RARB: variants seen among roughly 807,000 people sequenced by gnomAD.
RARB encodes HBV-activated protein.
A neutral mutation model predicts 51.9 loss-of-function variants in RARB; 17 were observed. The observed-to-expected ratio is 0.33, with a 90% CI of 0.22 to 0.49. The LOEUF (loss-of-function observed/expected upper bound fraction) is 0.49, where lower values mean the gene tolerates loss of function less well. Among genes scored for constraint, RARB ranks in the 20% least tolerant of loss-of-function variants. The probability of loss-of-function intolerance (pLI) is 0.99; values close to 1 mark genes in which losing one functional copy is unlikely to be tolerated. For missense variants in RARB, 369 were observed against 550.8 expected, an observed-to-expected ratio of 0.67 and a Z score of 3.30; for synonymous variants, 215 against 195.4, an observed-to-expected ratio of 1.10 and a Z score of -0.84.
intron 5 of RARB, among the ~76,000 whole-genome samples, chr3:25,220,831 C>T (rs1375759690): frequency 6.6e-6 from 1 of 152,152 alleles, no homozygotes; most frequent in Non-Finnish European, 1.5e-5. Flanking sequence ...CAGCCACTTA[C>T]TTCTTATGTG....
At chr3:25,436,011 G>A (rs1266510585) in intron 1 of RARB, among the ~76,000 whole-genome samples, 3 of 152,076 alleles carry the variant, frequency 2.0e-5, no homozygotes, top group Non-Finnish European at 4.4e-5. Flanking sequence ...GTAAATTACC[G>A]GTTCCATTAA....
At chr3:24,886,791 G>A (rs1372775666) in intron 2 of RARB, among the ~76,000 whole-genome samples, 1 of 152,120 alleles carries the variant, frequency 6.6e-6, no homozygotes, top group Non-Finnish European at 1.5e-5. Flanking sequence ...AAAAGCTAAT[G>A]ATATCTGTAA....
intron 1 of RARB, among the ~76,000 whole-genome samples, chr3:25,447,151 T>C (rs1371256892): frequency 1.3e-5 from 2 of 152,240 alleles, no homozygotes; most frequent in African/African-American, 4.8e-5. Context: ...TGGCAGATTC[T>C]GCTGAACTGG....
In RARB at chr3:25,007,597, A is replaced by AAAAAAAAAAAAAAAAAC. The variant is rs1451007518; in HGVS notation, c.-379-52521_-379-52520insAAAAAAAAACAAAAAAA. Among the ~76,000 whole-genome samples the AAAAAAAAAAAAAAAAAC allele has an allele frequency of 4.1e-5, 6 of 144,864 alleles. No individual in the cohort carries two copies. The South Asian group carries it at 7.0e-4, about 17-fold the overall frequency. On this transcript the variant is annotated intron_variant, in intron 2 of 11. Coordinates refer to the RARB transcript ENST00000383772. ...GCAACAGAGTGAGACTGTCTCAAAA[A>AAAAAAAAAAAAAAAAAC]AAAAAAACAAAAAAACCTCATATTT...
In RARB at chr3:24,930,923, G is replaced by A. The variant is rs147770477; in HGVS notation, c.-380+72171G>A. 7.1e-3 allele frequency among the ~76,000 whole-genome samples: 1,078 copies of A among 152,182 alleles called. 5 individuals carry two copies. The highest frequency in any genetic ancestry group is 0.024 in the Middle Eastern group (7 of 294). ...AGTTACCTGCGAAGCTGAAGTGGGA[G>A]GCTTTCCTCAGCCCAAGAGTTTGAG... On this transcript the variant is annotated intron_variant, in intron 2 of 11. Transcript: ENST00000383772.
rs1375349404 is a variant in RARB at position 25,580,170 on chromosome 3, C to T, written c.610-376C>T. On this transcript the variant is annotated intron_variant, in intron 4 of 7. Coordinates refer to ENST00000330688, the MANE Select transcript of RARB (RefSeq NM_000965.5). ...CGGGTGAATCATGAGGTCAGGAGAT[C>T]GAGACCATCCTGGCTAACACGGTGA... Among the ~76,000 whole-genome samples, 11 of 152,136 alleles carry T rather than the reference C, an allele frequency of 7.2e-5. 3 individuals carry two copies. The highest frequency in any genetic ancestry group is 1.5e-5 in the Non-Finnish European group (1 of 67,986).
intron 5 of RARB, among the ~76,000 whole-genome samples, chr3:25,403,093 G>A (rs556524775): frequency 2.7e-5 from 4 of 150,644 alleles, no homozygotes; most frequent in Admixed American, 2.7e-4. Flanking sequence ...AACCAGGGAG[G>A]CAGAGGTTGC....
intron 1 of RARB, among the ~76,000 whole-genome samples, chr3:25,437,535 T>C (rs1708485701): frequency 6.6e-6 from 1 of 152,148 alleles, no homozygotes; most frequent in Admixed American, 6.5e-5. Context: ...TGGGAAGAAC[T>C]TGTGACACAA....
At chr3:25,508,068 A>T (rs1166153093) in intron 3 of RARB, among the ~76,000 whole-genome samples, 2 of 152,186 alleles carry the variant, frequency 1.3e-5, no homozygotes, top group Non-Finnish European at 2.9e-5. Context: ...TGGGCAAAAC[A>T]TGTCTTTGAT....
chr3:24,858,378 T>C (rs1702673005), intron 1 of RARB, among the ~76,000 whole-genome samples: 1 of 152,134 alleles, frequency 6.6e-6, no homozygotes, highest in Admixed American at 6.5e-5. Context: ...TCTTTTGCAT[T>C]TAAAGCACGT....
At chr3:25,353,390 A>C (rs1705635909) in intron 5 of RARB, among the ~76,000 whole-genome samples, 1 of 152,166 alleles carries the variant, frequency 6.6e-6, no homozygotes, top group African/African-American at 2.4e-5. Context: ...GAATGAGTGA[A>C]TCAATGACAA....
At chr3:25,064,776 G>C (rs1559452921) in intron 3 of RARB, among the ~76,000 whole-genome samples, 1 of 152,144 alleles carries the variant, frequency 6.6e-6, no homozygotes, top group Non-Finnish European at 1.5e-5. Flanking sequence ...CCCACAATTT[G>C]AATTCCAGAC....
At position 25,007,611 on chromosome 3, in the gene RARB, A is replaced by C. The variant is rs987921269; in HGVS notation, c.-379-52514A>C. On this transcript the variant is annotated intron_variant, in intron 2 of 11. Coordinates refer to the RARB transcript ENST00000383772. The stretch of plus-strand genomic sequence containing the variant: ...CTGTCTCAAAAAAAAAAAACAAAAA[A>C]ACCTCATATTTTCTGAAAGTGGTGC... Among the ~76,000 whole-genome samples, 4 of 150,556 alleles carry C rather than the reference A, an allele frequency of 2.7e-5. No homozygotes were observed. In the East Asian group the frequency reaches 5.8e-4, roughly 22 times the overall value.
intron 3 of RARB, 130 bp from the exon 4 acceptor site, chr3:25,569,627 CA>C: frequency 9.2e-7 from 1 of 1,084,794 alleles, no homozygotes; most frequent in Non-Finnish European, 1.3e-6. Flanking sequence ...GTGTTATTAC[CA>C]CCTCTTCCCA....
At chr3:25,165,330 A>T (rs1700542614) in intron 4 of RARB, among the ~76,000 whole-genome samples, 1 of 151,744 alleles carries the variant, frequency 6.6e-6, no homozygotes. Context: ...GCTTTTCTGT[A>T]TACATTTCCA....
chr3:25,343,097 A>G (rs1222707767), intron 5 of RARB, among the ~76,000 whole-genome samples: 3 of 144,466 alleles, frequency 2.1e-5, no homozygotes, highest in African/African-American at 5.2e-5. Context: ...TAGTTAGAAT[A>G]TGAGGGTTTT....
At chr3:24,911,449 C>G (rs907785296) in intron 2 of RARB, among the ~76,000 whole-genome samples, 4 of 152,216 alleles carry the variant, frequency 2.6e-5, no homozygotes, top group Non-Finnish European at 5.9e-5. Flanking sequence ...GAAACAATTT[C>G]TGTTGCATAT....
At chr3:25,154,475 A>C (rs13067015) in intron 4 of RARB, among the ~76,000 whole-genome samples, 70,893 of 152,046 alleles carry the variant, frequency 0.47, 17,526 homozygotes, top group East Asian at 0.71. Context: ...GGGCCCTCTC[A>C]GTGGGACCCT....
intron 5 of RARB, among the ~76,000 whole-genome samples, chr3:25,590,370 T>A (rs1348359570): frequency 6.6e-6 from 1 of 152,222 alleles, no homozygotes; most frequent in Non-Finnish European, 1.5e-5. Context: ...ATCTCTGGAT[T>A]CTTTCATTTT....
Sources: gnomAD v4.1 joint callset for allele counts (sites outside exome capture counted in the v4.1 genomes callset) on GRCh38, gnomAD v4.1.1 for gene constraint, MANE v1.5 for transcripts, NCBI Gene and HGNC (gene_info 2026-07-23, HGNC 2026-07-21) for gene names.